Variants in CPED1 observed in about 807,000 individuals in gnomAD.
CPED1 encodes the protein cadherin like and PC-esterase domain containing 1.
A neutral mutation model predicts 128.2 loss-of-function variants in CPED1; 114 were observed. That is an observed-to-expected ratio of 0.89 (90% CI 0.76 to 1.04). The LOEUF (loss-of-function observed/expected upper bound fraction) is 1.04. Among genes scored for constraint, CPED1 ranks in the 50% least tolerant of loss-of-function variants. The pLI, the probability that CPED1 is intolerant of heterozygous loss-of-function variation, is 0.00. For synonymous variants in CPED1, 462 were observed against 426.7 expected (o/e 1.08, Z -1.02); for missense variants, 1,211 against 1,207.1 (o/e 1.00, Z -0.05).
chr7:121,088,749 T>C (rs1238346678), intron 5 of CPED1, among the ~76,000 whole-genome samples: 1 of 29,404 alleles, frequency 3.4e-5, no homozygotes, highest in African/African-American at 1.1e-4. Context: ...AGTTAAAATC[T>C]AGGCAAAAAT....
intron 18 of CPED1, chr7:121,261,691 C>T: frequency 6.2e-7 from 1 of 1,609,904 alleles, no homozygotes. Flanking sequence ...ATCCAGTCAT[C>T]CTGGGACCCT....
chr7:121,225,301 C>T (rs2116633765), intron 16 of CPED1, among the ~76,000 whole-genome samples: 1 of 152,202 alleles, frequency 6.6e-6, no homozygotes, highest in Middle Eastern at 3.4e-3. Flanking sequence ...GAATATTGGC[C>T]CCCACTCTCT....
chr7:121,117,465 T>C (rs1181073913), intron 7 of CPED1, among the ~76,000 whole-genome samples: 1 of 152,142 alleles, frequency 6.6e-6, no homozygotes, highest in African/African-American at 2.4e-5. Flanking sequence ...AGGTTTGTAA[T>C]TTAGTCATTT....
chr7:121,265,522 C>G (rs1224949275), intron 18 of CPED1, among the ~76,000 whole-genome samples: 1 of 151,996 alleles, frequency 6.6e-6, no homozygotes, highest in East Asian at 1.9e-4. Flanking sequence ...AATGAGATAG[C>G]CAGAACTAGA....
intron 16 of CPED1, among the ~76,000 whole-genome samples, chr7:121,231,690 C>T (rs1524505): frequency 1 from 151,815 of 152,234 alleles, 75,698 homozygotes; most frequent in Middle Eastern, 1. Flanking sequence ...AAGGAAGATG[C>T]GGATTGTTGA....
At chr7:121,073,363 C>G (rs913342425) in intron 5 of CPED1, among the ~76,000 whole-genome samples, 2 of 152,010 alleles carry the variant, frequency 1.3e-5, no homozygotes, top group African/African-American at 4.8e-5. Context: ...TCTGCTGCCT[C>G]GGGGAGGCAT....
At chr7:121,010,866 C>T (rs1390328455) in intron 2 of CPED1, among the ~76,000 whole-genome samples, 1 of 152,144 alleles carries the variant, frequency 6.6e-6, no homozygotes, top group East Asian at 1.9e-4. Context: ...CCTAAAGTGT[C>T]CTGCAATTAT....
intron 3 of CPED1, among the ~76,000 whole-genome samples, chr7:121,021,665 A>G (rs1792445976): frequency 6.6e-6 from 1 of 151,968 alleles, no homozygotes; most frequent in African/African-American, 2.4e-5. Flanking sequence ...TGGAGTCCTT[A>G]GTGTTACCTT....
intron 16 of CPED1, among the ~76,000 whole-genome samples, chr7:121,224,087 TG>T (rs1288780190): frequency 6.6e-6 from 1 of 152,232 alleles, no homozygotes; most frequent in African/African-American, 2.4e-5. Context: ...ATTTCTCTTT[TG>T]GGCATTTAGT....
chr7:121,076,222 G>A (rs942378241), intron 5 of CPED1, among the ~76,000 whole-genome samples: 1 of 152,084 alleles, frequency 6.6e-6, no homozygotes, highest in African/African-American at 2.4e-5. Context: ...GCTCGATATT[G>A]AGCTGATGCT....
intron 16 of CPED1, among the ~76,000 whole-genome samples, chr7:121,151,405 A>G (rs779985567): frequency 5.9e-5 from 9 of 152,306 alleles, no homozygotes; most frequent in Non-Finnish European, 1.2e-4. Context: ...AATTCAGTTT[A>G]TTGAGCACTT....
Position 121,109,793 on chromosome 7 carries a change from AATC to A in CPED1, c.918+9702_918+9704del, listed in dbSNP as rs764005817. Among the ~76,000 whole-genome samples, 10 of 152,326 alleles carry A rather than the reference AATC, an allele frequency of 6.6e-5. No individual in the cohort carries two copies. In the East Asian group the frequency reaches 1.7e-3, roughly 26 times the overall value. On this transcript the variant is annotated intron_variant, in intron 7 of 22. Transcript: ENST00000310396. ...TATTTGTTCAAATCACACACAGAGA[AATC>A]ATTACTTTAAACTCAGAAGTCACAG...
intron 16 of CPED1, among the ~76,000 whole-genome samples, chr7:121,156,552 G>C (rs1210965772): frequency 1.3e-5 from 2 of 152,130 alleles, no homozygotes; most frequent in Non-Finnish European, 2.9e-5. Flanking sequence ...AATGGAACTG[G>C]AGGCCATTAT....
At position 121,289,431 on chromosome 7, in the gene CPED1, C is replaced by T. The variant is rs777434694; in HGVS notation, c.2869-6009C>T. 1.5e-3 allele frequency among the ~76,000 whole-genome samples: 226 copies of T among 152,222 alleles called. 1 individual carries two copies. The highest frequency in any genetic ancestry group is 1.6e-3 in the Non-Finnish European group (106 of 67,988). On this transcript the variant is annotated intron_variant, in intron 22 of 22. Transcript: ENST00000310396. The stretch of plus-strand genomic sequence containing the variant: ...TTAAAAATGTCCTATAATTCCTCTA[C>T]CAAAAGGTCACTATTGTTAATATTT...
intron 3 of CPED1, among the ~76,000 whole-genome samples, chr7:121,035,551 G>A (rs980994948): frequency 1.3e-5 from 2 of 151,988 alleles, no homozygotes; most frequent in African/African-American, 4.8e-5. Flanking sequence ...AGAAAATGTA[G>A]GACTGGGCAC....
intron 3 of CPED1, among the ~76,000 whole-genome samples, chr7:121,018,526 T>C (rs184392335): frequency 1.0e-3 from 153 of 152,214 alleles, no homozygotes; most frequent in Non-Finnish European, 1.5e-3. Context: ...ACCTGCAATT[T>C]GAAAATATTA....
chr7:120,999,325 C>T lies in CPED1; in HGVS notation c.249+9455C>T, dbSNP rs978502722. ...TAATTATCTTTGATTAATTAACTATCATTGATTTCTCGTTATCATCAGCTC... is the reference window on the plus strand; with the variant it reads ...TAATTATCTTTGATTAATTAACTATTATTGATTTCTCGTTATCATCAGCTC... On this transcript the variant is annotated intron_variant, in intron 2 of 22. Transcript: ENST00000310396. 2.0e-5 allele frequency among the ~76,000 whole-genome samples: 3 copies of T among 152,144 alleles called. No homozygotes were observed. The East Asian group carries it at 5.8e-4, about 29-fold the overall frequency.
At position 121,100,101 on chromosome 7, in the gene CPED1, T is replaced by A. The variant is rs1234831941; in HGVS notation, c.918+7T>A. The A allele has an allele frequency of 1.9e-6, 3 of 1,612,460 alleles. No individual in the cohort carries two copies. The highest frequency in any genetic ancestry group is 2.5e-6 in the Non-Finnish European group (3 of 1,179,132). ...AAAACGCTTCACTGTCAAGGTAAGC[T>A]CTCGGTTGAAGCTATTATTTCACGT... On this transcript the variant is annotated splice_region_variant and intron_variant, in intron 7 of 22. Coordinates refer to ENST00000310396, the MANE Select transcript of CPED1 (RefSeq NM_024913.5).
chr7:121,194,972 T>G (rs1797238202), intron 16 of CPED1: 1 of 152,146 alleles, frequency 6.6e-6, no homozygotes, highest in Admixed American at 6.5e-5. Flanking sequence ...CTTCGTGAAT[T>G]TGTTGCATGT....
Sources: allele counts gnomAD v4.1 joint callset (sites outside exome capture counted in the v4.1 genomes callset), GRCh38; gene constraint gnomAD v4.1.1; transcripts MANE v1.5; gene names NCBI Gene and HGNC (gene_info 2026-07-23, HGNC 2026-07-21).